SHMT1: variants seen among roughly 807,000 people sequenced by gnomAD.
The protein encoded by SHMT1 is serine hydroxymethyltransferase, cytosolic.
A neutral mutation model predicts 49.0 loss-of-function variants in SHMT1; 45 were observed. The observed-to-expected ratio is 0.92, with a 90% CI of 0.72 to 1.18. SHMT1 has a LOEUF of 1.18. Ranked by LOEUF, SHMT1 falls within the 50% of genes most tolerant of loss-of-function variation. The pLI, the probability that SHMT1 is intolerant of heterozygous loss-of-function variation, is 0.00. For synonymous variants in SHMT1, 232 were observed against 246.6 expected, an observed-to-expected ratio of 0.94 and a Z score of 0.55; for missense variants, 541 against 612.4, an observed-to-expected ratio of 0.88 and a Z score of 1.23.
chr17:18,339,107 GTC>G (rs1398650071), intron 7 of SHMT1, among the ~76,000 whole-genome samples: 3 of 144,332 alleles, frequency 2.1e-5, no homozygotes, highest in Non-Finnish European at 3.0e-5. Flanking sequence ...GAGGGCTGGT[GTC>G]TCTGCTGATG....
rs374767853 is a variant in SHMT1 at position 18,355,988 on chromosome 17, G to A, written c.-7C>T. On this transcript the variant is annotated 5_prime_UTR_variant, in exon 2 of 12. Coordinates refer to ENST00000316694, the MANE Select transcript of SHMT1 (RefSeq NM_004169.5). ...CGTTGACTGGCATCGTCATTGCACT[G>A]GTTCGAAGCTGCCTAAAAAAATGGG... is the stretch of plus-strand genomic sequence containing the variant. 1 of 1,596,994 alleles carries A rather than the reference G, an allele frequency of 6.3e-7. No homozygotes were observed. The highest frequency in any genetic ancestry group is 1.7e-5 in the Admixed American group (1 of 59,892).
At chr17:18,358,258 G>A (rs1454615269) in intron 1 of SHMT1, among the ~76,000 whole-genome samples, 4 of 151,200 alleles carry the variant, frequency 2.6e-5, no homozygotes, top group Middle Eastern at 3.2e-3. Flanking sequence ...TTGGGAGGCC[G>A]AGGTGGGCGG....
In SHMT1 at chr17:18,340,769, C is replaced by G. The variant is rs1221891933; in HGVS notation, c.564G>C (p.Glu188Asp). The G allele has an allele frequency of 6.2e-7, 1 of 1,613,508 alleles. No individual in the cohort carries two copies. The highest frequency in any genetic ancestry group is 1.1e-5 in the South Asian group (1 of 90,820). Reference protein sequence around the residue: ...TGYINYDQLEENARLFHPKLI... With the variant: ...TGYINYDQLEDNARLFHPKLI... The stretch of plus-strand genomic sequence containing the variant: ...GCTTCGGGTGGAAGAGGCGTGCGTT[C>G]TCCTCCAGCTGGTCATAGTTGATGT... Residue 188 changes from glutamate (E) to aspartate (D), a missense_variant, in exon 6 of 12, where the codon GAG (glutamate) becomes GAC (aspartate). Physicochemically the swap from Glu to Asp is conservative, Grantham distance 45 (BLOSUM62 2). Transcript: ENST00000316694. This position sits in a 1 kb window ranked among gnomAD's most constrained non-coding sequence, Gnocchi z 4.5.
In SHMT1 at chr17:18,328,501, T is replaced by C. The variant is rs1210786300; in HGVS notation, c.*249A>G. On this transcript the variant is annotated 3_prime_UTR_variant, in exon 12 of 12. Transcript: ENST00000316694. ...ATAGTATTTTATTTTCCTAGAATTA[T>C]GTCCAGCTGTGAGAAAGCCAGGTTC... The C allele has an allele frequency of 1.6e-4, 85 of 537,640 alleles. No homozygotes were observed. The highest frequency in any genetic ancestry group is 2.4e-4 in the Non-Finnish European group (73 of 299,062). 33.3% of individuals were successfully genotyped at this position (537,640 alleles called of 1,614,324 possible).
intron 7 of SHMT1, 128 bp downstream of exon 7, chr17:18,339,915 A>G: frequency 1.1e-6 from 1 of 936,798 alleles, no homozygotes; most frequent in Non-Finnish European, 1.7e-6. Flanking sequence ...TCTTTAAGGG[A>G]CTGGGATCTT....
chr17:18,340,807 G>C lies in SHMT1; in HGVS notation c.526C>G (p.Pro176Ala). 6.2e-7 allele frequency: 1 copy of C among 1,613,006 alleles called. No homozygotes were observed. Among genetic ancestry groups the C allele is most frequent in the Non-Finnish European group, 8.5e-7 (1 of 1,179,534 alleles). ...FFESMPYKVN[P>A]DTGYINYDQL... ...TCATAGTTGATGTAGCCAGTATCTG[G>C]GTTCACCTGTGGAATGTCAGGGAGG... The change falls in exon 6 of 12, where the codon CCA becomes GCA. Residue 176 changes from proline (P) to alanine (A), a missense_variant. Coordinates refer to ENST00000316694, the MANE Select transcript of SHMT1 (RefSeq NM_004169.5). The surrounding 1 kb of genome is among the most constrained non-coding windows in gnomAD (Gnocchi z 4.5).
intron 2 of SHMT1, among the ~76,000 whole-genome samples, chr17:18,354,577 CAA>C (rs1390365201): frequency 6.6e-6 from 1 of 152,116 alleles, no homozygotes; most frequent in African/African-American, 2.4e-5. Context: ...GCCTGGGAAA[CAA>C]GAGCGAGACT....
chr17:18,345,289 G>T (rs1984967546), intron 5 of SHMT1, among the ~76,000 whole-genome samples: 1 of 152,166 alleles, frequency 6.6e-6, no homozygotes, highest in African/African-American at 2.4e-5. Context: ...ATGGAGTCTT[G>T]CTCTGTCACC....
Position 18,330,554 on chromosome 17 carries a change from C to T in SHMT1, c.1171+1G>A, listed in dbSNP as rs1420790078. ...AAGGAGAAGGCAAGGATGATTCTCA[C>T]CTGGACAGGTGTTCTTGTTGCAGGC... On this transcript the variant is annotated splice_donor_variant, in intron 10 of 11. Coordinates refer to ENST00000316694, the MANE Select transcript of SHMT1 (RefSeq NM_004169.5). LOFTEE classifies it high-confidence loss of function. The T allele has an allele frequency of 2.5e-6, 4 of 1,599,584 alleles. No homozygotes were observed. The highest frequency in any genetic ancestry group is 3.4e-6 in the Non-Finnish European group (4 of 1,166,690).
chr17:18,328,338 T>C lies in SHMT1; in HGVS notation c.*412A>G, dbSNP rs9902011. 0.041 allele frequency: 9,528 copies of C among 231,972 alleles called. 692 individuals are homozygous for C. Among genetic ancestry groups the C allele is most frequent in the African/African-American group, 0.17 (7,613 of 43,722 alleles). The allele number at this position is 231,972 out of a possible 1,614,324, so 14.4% of individuals were successfully genotyped here. A position where few individuals can be genotyped will look rare whatever the true frequency, so the allele number is the denominator to read the frequency against. On this transcript the variant is annotated 3_prime_UTR_variant, in exon 12 of 12. Transcript: ENST00000316694. ...GGATAACAAGATAGTGAGGGGGCAG[T>C]GTGTACAAGCTGTGGACATGGGCAT...
chr17:18,351,139 T>G (rs1174260309), intron 3 of SHMT1, among the ~76,000 whole-genome samples: 1 of 151,468 alleles, frequency 6.6e-6, no homozygotes, highest in Non-Finnish European at 1.5e-5. Flanking sequence ...TTACCTTTTA[T>G]TTTTATTTTT....
rs761095826 is a variant in SHMT1, at chr17:18,328,838, TC to T, written c.1363del (p.Asp455IlefsTer88). On this transcript the variant is annotated frameshift_variant, in exon 12 of 12. Coordinates refer to ENST00000316694, the MANE Select transcript of SHMT1 (RefSeq NM_004169.5). LOFTEE classifies it low-confidence loss of function (END_TRUNC). ...LKEFKERLAG[D>X]KYQAAVQALR... ...AGCCTGCACGGCCGCCTGGTACTTA[TC>T]CCCTGCCAGTCTCTCCTTGAACTCT... The T allele has an allele frequency of 2.4e-5, 38 of 1,613,756 alleles. No homozygotes were observed. The South Asian group carries it at 4.1e-4, about 17-fold the overall frequency.
rs1238941748 is a variant in SHMT1 at position 18,327,890 on chromosome 17, ATTTAT to A, written c.*855_*859del. 1 of 152,518 alleles carries A rather than the reference ATTTAT, an allele frequency of 6.6e-6. No individual in the cohort carries two copies. The highest frequency in any genetic ancestry group is 6.6e-5 in the Admixed American group (1 of 15,264). 9.4% of individuals were successfully genotyped at this position (152,518 alleles called of 1,614,324 possible). A position where few individuals can be genotyped will look rare whatever the true frequency, so the allele number is the denominator to read the frequency against. On this transcript the variant is annotated 3_prime_UTR_variant, in exon 12 of 12. Transcript: ENST00000316694. ...GAGAAGTGTACTTTTTAAGAAATTAATTTATTTGAGTTCAAATATTTTTGAAATAT... is the reference window on the plus strand; with the variant it reads ...GAGAAGTGTACTTTTTAAGAAATTAATTGAGTTCAAATATTTTTGAAATAT...
At chr17:18,345,207 T>C (rs773691351) in intron 5 of SHMT1, among the ~76,000 whole-genome samples, 1 of 152,134 alleles carries the variant, frequency 6.6e-6, no homozygotes, top group African/African-American at 2.4e-5. Context: ...GCCTGCACAA[T>C]GTACATCAAA....
chr17:18,339,526 T>C (rs1450223220), intron 7 of SHMT1, among the ~76,000 whole-genome samples: 3 of 152,016 alleles, frequency 2.0e-5, no homozygotes, highest in Non-Finnish European at 4.4e-5. Context: ...GCAGGAGCTG[T>C]GGCTGACAGT....
At chr17:18,347,380 G>A (rs957611243) in intron 5 of SHMT1, 116 bp downstream of exon 5, 17 of 1,180,236 alleles carry the variant, frequency 1.4e-5, no homozygotes, top group Non-Finnish European at 1.9e-5. Flanking sequence ...AATTAAAAAC[G>A]GTGCGAGGTG....
chr17:18,358,068 C>A (rs1212395359), intron 1 of SHMT1, among the ~76,000 whole-genome samples: 1 of 139,970 alleles, frequency 7.1e-6, no homozygotes, highest in Non-Finnish European at 1.5e-5. Context: ...GGGGTTTCAC[C>A]GGTTAGCCAG....
chr17:18,351,163 G>C (rs562322994), intron 3 of SHMT1, among the ~76,000 whole-genome samples: 14 of 147,570 alleles, frequency 9.5e-5, no homozygotes, highest in Non-Finnish European at 2.0e-4. Flanking sequence ...ATTTTTTTGA[G>C]ACGGAATCTC....
At chr17:18,330,377 C>A (rs1983063910) in intron 10 of SHMT1, among the ~76,000 whole-genome samples, 178 bp downstream of exon 10, 1 of 151,832 alleles carries the variant, frequency 6.6e-6, no homozygotes, top group Admixed American at 6.5e-5. Context: ...CTCAAGTGAT[C>A]CGCCTGCCTC....
Sources: gnomAD v4.1 joint callset for allele counts (sites outside exome capture counted in the v4.1 genomes callset) on GRCh38, gnomAD v4.1.1 for gene constraint, Gnocchi (gnomAD v3.1) non-coding constraint, MANE v1.5 for transcripts, NCBI Gene and HGNC (gene_info 2026-07-23, HGNC 2026-07-21) for gene names.